The following HECW2 variants were observed in gnomAD, a reference collection of about 807,000 sequenced individuals.
The protein encoded by HECW2 is HECT, C2 and WW domain containing E3 ubiquitin protein ligase 2.
In HECW2, 61 loss-of-function variants were observed where a neutral mutation model predicts 175.2. The ratio of observed to expected loss-of-function variants is 0.35; its 90% CI spans 0.28 to 0.43. The LOEUF (loss-of-function observed/expected upper bound fraction) is 0.43. Among genes scored for constraint, HECW2 ranks in the 20% least tolerant of loss-of-function variants. HECW2 has a pLI of 1.00. For missense variants in HECW2, 1,524 were observed against 2,000.5 expected (o/e 0.76, Z 4.54); for synonymous variants, 671 against 731.0 (o/e 0.92, Z 1.32).
At chr2:196,317,479 T>G in intron 9 of HECW2, 110 bp from the exon 10 acceptor site, 1 of 781,188 alleles carries the variant, frequency 1.3e-6, no homozygotes, top group Non-Finnish European at 2.2e-6. Context: ...TTTTCTCTGT[T>G]TAGTCTCATT....
chr2:196,258,663 T>C (rs1689164065), intron 17 of HECW2, among the ~76,000 whole-genome samples: 1 of 152,242 alleles, frequency 6.6e-6, no homozygotes, highest in Non-Finnish European at 1.5e-5. Context: ...AATACAATTT[T>C]AATAATTTTT....
intron 1 of HECW2, among the ~76,000 whole-genome samples, chr2:196,516,406 ACAC>A (rs1688149040): frequency 1.6e-5 from 2 of 126,080 alleles, no homozygotes; most frequent in Non-Finnish European, 3.1e-5. Flanking sequence ...GCCTACACAC[ACAC>A]TTTTTCAAGG....
intron 25 of HECW2, among the ~76,000 whole-genome samples, 175 bp downstream of exon 25, chr2:196,220,618 TGA>T (rs1687631487): frequency 6.6e-6 from 1 of 152,330 alleles, no homozygotes; most frequent in East Asian, 1.9e-4. Context: ...CTCGTAACAG[TGA>T]GTTAAGCTTC....
In HECW2 at chr2:196,224,563, A is replaced by T. The variant is rs143590355; in HGVS notation, c.4016+1209T>A. The stretch of plus-strand genomic sequence containing the variant: ...GAACCCGCAAAGTACAGTGTCATAG[A>T]TGCCAGCTCTGAAGGAAAGACACAG... On this transcript the variant is annotated intron_variant, in intron 23 of 28. Coordinates refer to ENST00000644978, the MANE Select transcript of HECW2 (RefSeq NM_001348768.2). Among the ~76,000 whole-genome samples the T allele has an allele frequency of 3.4e-3, 522 of 152,268 alleles. 4 individuals are homozygous for T. Among genetic ancestry groups the T allele is most frequent in the African/African-American group, 0.012 (483 of 41,534 alleles).
chr2:196,441,011 T>C (rs1002331259), intron 1 of HECW2, among the ~76,000 whole-genome samples: 2 of 152,212 alleles, frequency 1.3e-5, no homozygotes, highest in African/African-American at 4.8e-5. Flanking sequence ...ATCATTTTTC[T>C]TCAAGAGGTC....
At chr2:196,272,142 C>CA (rs1463709003) in intron 16 of HECW2, among the ~76,000 whole-genome samples, 1 of 152,132 alleles carries the variant, frequency 6.6e-6, no homozygotes. Context: ...TAGTTGGCAG[C>CA]AACAACTAGG....
intron 1 of HECW2, among the ~76,000 whole-genome samples, chr2:196,448,575 G>C (rs933423382): frequency 1.3e-5 from 2 of 152,228 alleles, no homozygotes; most frequent in African/African-American, 4.8e-5. Context: ...CAGGAGCCAA[G>C]CAGCCTCCCC....
rs1292809360 is a variant in HECW2 at position 196,367,866 on chromosome 2, GTGTGTGTGTT to G, written c.293-24112_293-24103del. On this transcript the variant is annotated intron_variant, in intron 2 of 28. Coordinates refer to ENST00000644978, the MANE Select transcript of HECW2 (RefSeq NM_001348768.2). The stretch of plus-strand genomic sequence containing the variant: ...GAATAGTACTCCATTGTGTGTGTGT[GTGTGTGTGTT>G]TGTGTGTGTGTGTGTGTATGGTACA... Among the ~76,000 whole-genome samples, 7 of 151,476 alleles carry G rather than the reference GTGTGTGTGTT, an allele frequency of 4.6e-5. No individual in the cohort carries two copies. The East Asian group carries it at 1.4e-3, about 29-fold the overall frequency.
chr2:196,247,921 CT>C (rs1403658038), intron 19 of HECW2, among the ~76,000 whole-genome samples: 2 of 152,196 alleles, frequency 1.3e-5, no homozygotes, highest in Non-Finnish European at 2.9e-5. Flanking sequence ...ACGCTCATCT[CT>C]TTCCTGGTTC....
At chr2:196,423,298 T>C (rs987097625) in intron 2 of HECW2, among the ~76,000 whole-genome samples, 19 of 152,162 alleles carry the variant, frequency 1.2e-4, no homozygotes, top group Non-Finnish European at 2.2e-4. Flanking sequence ...TTAAGTCATT[T>C]TTTTAAAAAT....
intron 1 of HECW2, among the ~76,000 whole-genome samples, chr2:196,436,277 T>G (rs1695869502): frequency 6.6e-6 from 1 of 151,852 alleles, no homozygotes; most frequent in Admixed American, 6.6e-5. Context: ...GGCGGGTGCC[T>G]GTAGTCCCAG....
intron 2 of HECW2, among the ~76,000 whole-genome samples, chr2:196,414,298 C>T (rs994364412): frequency 2.0e-5 from 3 of 152,212 alleles, no homozygotes; most frequent in Non-Finnish European, 4.4e-5. Context: ...AGAGTCAGCT[C>T]AATTTCACCT....
intron 13 of HECW2, among the ~76,000 whole-genome samples, chr2:196,303,496 T>C (rs1018178032): frequency 6.6e-6 from 1 of 152,238 alleles, no homozygotes; most frequent in Non-Finnish European, 1.5e-5. Context: ...CAGCTCTTTT[T>C]TGTATCTCTA....
intron 3 of HECW2, among the ~76,000 whole-genome samples, chr2:196,335,435 G>A (rs1490849649): frequency 1.3e-5 from 2 of 152,176 alleles, no homozygotes; most frequent in Admixed American, 6.5e-5. Context: ...GGATGCTGAT[G>A]GGCAGGCCCT....
At chr2:196,499,709 T>C (rs1324051521) in intron 1 of HECW2, among the ~76,000 whole-genome samples, 1 of 152,220 alleles carries the variant, frequency 6.6e-6, no homozygotes, top group Non-Finnish European at 1.5e-5. Context: ...GACTTGACAA[T>C]GCATTAAAAC....
At chr2:196,258,195 AC>A (rs1471447575) in intron 17 of HECW2, 2 of 324,702 alleles carry the variant, frequency 6.2e-6, no homozygotes, top group African/African-American at 4.3e-5. Context: ...ATACTATTCA[AC>A]CAATAAAATC....
intron 1 of HECW2, among the ~76,000 whole-genome samples, chr2:196,437,962 G>A (rs370901262): frequency 1.3e-5 from 2 of 152,184 alleles, no homozygotes; most frequent in East Asian, 1.9e-4. Context: ...GCTGGATGGC[G>A]AAGAGGAGGC....
intron 1 of HECW2, among the ~76,000 whole-genome samples, chr2:196,551,708 A>C (rs1689607676): frequency 6.6e-6 from 1 of 152,232 alleles, no homozygotes; most frequent in African/African-American, 2.4e-5. Flanking sequence ...AAACATGACT[A>C]TTAATTTCTT....
At chr2:196,555,812 T>C (rs1343998190) in intron 1 of HECW2, among the ~76,000 whole-genome samples, 1 of 152,248 alleles carries the variant, frequency 6.6e-6, no homozygotes, top group African/African-American at 2.4e-5. Flanking sequence ...TCAAAATCCT[T>C]AACAAGACTT....
Sources: allele counts gnomAD v4.1 joint callset (sites outside exome capture counted in the v4.1 genomes callset), GRCh38; gene constraint gnomAD v4.1.1; transcripts MANE v1.5; gene names NCBI Gene and HGNC (gene_info 2026-07-23, HGNC 2026-07-21).